The following ZDHHC4 variants were observed in gnomAD, a reference collection of about 807,000 sequenced individuals.
ZDHHC4 encodes the protein zDHHC palmitoyltransferase 4, also known as palmitoyltransferase ZDHHC4.
ZDHHC4 carries 42 observed loss-of-function variants against 36.7 expected under a neutral mutation model. That is an observed-to-expected ratio of 1.14 (90% CI 0.89 to 1.48). The LOEUF is 1.48. Among genes scored for constraint, ZDHHC4 ranks in the 40% most tolerant of loss-of-function variants. ZDHHC4 has a pLI of 0.00. For synonymous variants in ZDHHC4, 189 were observed against 166.6 expected, an observed-to-expected ratio of 1.13 and a Z score of -1.03; for missense variants, 457 against 421.5, an observed-to-expected ratio of 1.08 and a Z score of -0.74.
rs540875951 is a variant in ZDHHC4, at chr7:6,589,251, T to G, written c.*341T>G. The G allele has an allele frequency of 3.6e-6, 1 of 280,634 alleles. No individual in the cohort carries two copies. Among genetic ancestry groups the G allele is most frequent in the African/African-American group, 2.1e-5 (1 of 46,832 alleles). 17.4% of individuals were successfully genotyped at this position (280,634 alleles called of 1,614,324 possible). A position where few individuals can be genotyped will look rare whatever the true frequency, so the allele number is the denominator to read the frequency against. On this transcript the variant is annotated 3_prime_UTR_variant, in exon 8 of 8. Coordinates refer to ENST00000335965, the MANE Select transcript of ZDHHC4 (RefSeq NM_001134389.2). Reference sequence around the variant, plus strand: ...CTGTGTGATGTGCAGGAGGGTCTCATTGACTCAGCGCCTGCGCGTTGTGCC... The same window carrying G: ...CTGTGTGATGTGCAGGAGGGTCTCAGTGACTCAGCGCCTGCGCGTTGTGCC...
In ZDHHC4 at chr7:6,589,002, G is replaced by T. The variant is rs1781477488; in HGVS notation, c.*92G>T. On this transcript the variant is annotated 3_prime_UTR_variant, in exon 8 of 8. Transcript: ENST00000335965. ...GCATGGCTTGTTTGTTTTGATTTCTGCTGTGCTTATAAATCACTTTCGGTG... is the reference window on the plus strand; with the variant it reads ...GCATGGCTTGTTTGTTTTGATTTCTTCTGTGCTTATAAATCACTTTCGGTG... 1.3e-6 allele frequency: 2 copies of T among 1,482,984 alleles called. No individual in the cohort carries two copies. Among genetic ancestry groups the T allele is most frequent in the East Asian group, 4.6e-5 (2 of 43,764 alleles). 91.9% of individuals were successfully genotyped at this position (1,482,984 alleles called of 1,614,324 possible). A position where few individuals can be genotyped will look rare whatever the true frequency, so the allele number is the denominator to read the frequency against.
intron 6 of ZDHHC4, 142 bp downstream of exon 6, chr7:6,583,573 A>G: frequency 4.2e-6 from 5 of 1,182,262 alleles, no homozygotes; most frequent in Non-Finnish European, 5.7e-6. Flanking sequence ...GAGTTGAGAT[A>G]ATGGTTTCTT....
chr7:6,581,942 A>T, intron 4 of ZDHHC4, 131 bp from the exon 5 acceptor site: 2 of 953,650 alleles, frequency 2.1e-6, no homozygotes, highest in Non-Finnish European at 3.2e-6. Context: ...TGTTTCACAT[A>T]GTTTTCTATG....
At chr7:6,585,301 G>A (rs375750494) in intron 7 of ZDHHC4, 41 bp downstream of exon 7, 8 of 1,590,296 alleles carry the variant, frequency 5.0e-6, no homozygotes, top group Admixed American at 3.6e-5. Flanking sequence ...TTTCAGAATC[G>A]CAAAAAAGAC....
intron 7 of ZDHHC4, among the ~76,000 whole-genome samples, chr7:6,588,364 A>G (rs1781400559): frequency 6.6e-6 from 1 of 152,220 alleles, no homozygotes; most frequent in African/African-American, 2.4e-5. Context: ...GGAATAGCAC[A>G]TTTCCTAAGT....
chr7:6,582,248 C>A lies in ZDHHC4; in HGVS notation c.367C>A (p.Pro123Thr). 1 of 1,613,844 alleles carries A rather than the reference C, an allele frequency of 6.2e-7. No homozygotes were observed. The highest frequency in any genetic ancestry group is 8.5e-7 in the Non-Finnish European group (1 of 1,179,866). The change falls in exon 5 of 8, where the codon CCT becomes ACT. Residue 123 changes from proline (P) to threonine (T), a missense_variant. Coordinates refer to ENST00000335965, the MANE Select transcript of ZDHHC4 (RefSeq NM_001134389.2). The stretch of plus-strand genomic sequence containing the variant: ...TTTCACCCTGACTTGTGGAACCAAT[C>A]CTGGTAAGTTGAGGCTCTTAGCATA... ...FFFTLTCGTNPGIITKANELL... is the reference protein window; with the variant it reads ...FFFTLTCGTNTGIITKANELL...
intron 3 of ZDHHC4, chr7:6,581,131 A>G (rs1780820986): frequency 4.5e-6 from 1 of 220,352 alleles, no homozygotes; most frequent in Admixed American, 5.9e-5. Flanking sequence ...GGGGCACTTA[A>G]TGGGTGACTC....
intron 2 of ZDHHC4, among the ~76,000 whole-genome samples, chr7:6,580,129 C>CT (rs769416195): frequency 2.6e-5 from 4 of 151,586 alleles, no homozygotes; most frequent in Non-Finnish European, 5.9e-5. Context: ...GAGTGAAACT[C>CT]TGTCTCAAAA....
intron 6 of ZDHHC4, chr7:6,584,273 T>C (rs559600718): frequency 2.6e-5 from 4 of 152,202 alleles, no homozygotes; most frequent in Non-Finnish European, 5.9e-5. Flanking sequence ...CACATCTTGA[T>C]TTGGACACTA....
intron 7 of ZDHHC4, 125 bp from the exon 8 acceptor site, chr7:6,588,491 TG>T: frequency 2.1e-6 from 2 of 969,040 alleles, no homozygotes; most frequent in Non-Finnish European, 3.2e-6. Flanking sequence ...TTGTCACATC[TG>T]GACACAAGTA....
intron 5 of ZDHHC4, 159 bp downstream of exon 5, chr7:6,582,410 C>A (rs569661666): frequency 1.4e-6 from 1 of 690,578 alleles, no homozygotes; most frequent in Non-Finnish European, 2.4e-6. Flanking sequence ...TTTTTTTTTT[C>A]TTCTTCAACC....
intron 7 of ZDHHC4, 115 bp downstream of exon 7, chr7:6,585,375 G>A: frequency 7.0e-7 from 1 of 1,434,876 alleles, no homozygotes; most frequent in Middle Eastern, 2.5e-4. Context: ...TATAATCCCA[G>A]CACTTTTGGA....
At chr7:6,581,837 G>A (rs1371346726) in intron 4 of ZDHHC4, among the ~76,000 whole-genome samples, 157 bp downstream of exon 4, 2 of 152,166 alleles carry the variant, frequency 1.3e-5, no homozygotes, top group Non-Finnish European at 2.9e-5. Flanking sequence ...GCCTCTACTC[G>A]TAGTTAATCT....
intron 6 of ZDHHC4, 56 bp from the exon 7 acceptor site, chr7:6,584,960 G>T (rs879067664): frequency 6.2e-7 from 1 of 1,601,544 alleles, no homozygotes; most frequent in South Asian, 1.1e-5. Context: ...GCAGGTGTGC[G>T]GTGTCCTTGT....
intron 7 of ZDHHC4, among the ~76,000 whole-genome samples, chr7:6,586,866 G>T (rs1166854838): frequency 7.9e-6 from 1 of 126,938 alleles, no homozygotes; most frequent in East Asian, 2.0e-4. Flanking sequence ...GGACATTTTG[G>T]TGTTTTCACT....
At chr7:6,578,433 C>G (rs1017605664) in intron 1 of ZDHHC4, 133 bp from the exon 2 acceptor site, 1 of 152,264 alleles carries the variant, frequency 6.6e-6, no homozygotes, top group African/African-American at 2.4e-5. Flanking sequence ...TGGGCCATTT[C>G]TCCCAAAGTC....
At chr7:6,586,539 G>C (rs1234295235) in intron 7 of ZDHHC4, among the ~76,000 whole-genome samples, 1 of 152,114 alleles carries the variant, frequency 6.6e-6, no homozygotes, top group Non-Finnish European at 1.5e-5. Flanking sequence ...GCAATGGTGT[G>C]ATCTTGGCTC....
chr7:6,588,668 G>A lies in ZDHHC4; in HGVS notation c.793G>A (p.Val265Ile). 1.2e-6 allele frequency: 2 copies of A among 1,614,192 alleles called. No homozygotes were observed. Among genetic ancestry groups the A allele is most frequent in the Non-Finnish European group, 1.7e-6 (2 of 1,180,036 alleles). The change falls in exon 8 of 8, where the codon GTT (valine) becomes ATT (isoleucine). Residue 265 changes from valine to isoleucine, a missense_variant. Coordinates refer to ENST00000335965, the MANE Select transcript of ZDHHC4 (RefSeq NM_001134389.2). Reference protein sequence around the residue: ...RIVFMLGFVVVLSFLLGGYLL... With the variant: ...RIVFMLGFVVILSFLLGGYLL... Reference sequence around the variant, plus strand: ...TGTCTTCATGCTGGGCTTTGTCGTGGTTCTGAGCTTCCTCCTGGGTGGCTA... The same window carrying A: ...TGTCTTCATGCTGGGCTTTGTCGTGATTCTGAGCTTCCTCCTGGGTGGCTA...
intron 1 of ZDHHC4, among the ~76,000 whole-genome samples, chr7:6,578,047 C>T (rs1487077245): frequency 1.3e-5 from 2 of 152,156 alleles, no homozygotes; most frequent in Non-Finnish European, 2.9e-5. Flanking sequence ...TCAGGCTGGT[C>T]TCGAACTCCT....
Sources: allele counts gnomAD v4.1 joint callset (sites outside exome capture counted in the v4.1 genomes callset), GRCh38; gene constraint gnomAD v4.1.1; transcripts MANE v1.5; gene names NCBI Gene and HGNC (gene_info 2026-07-23, HGNC 2026-07-21).